CCSER1: variants seen among roughly 807,000 people sequenced by gnomAD.
CCSER1 encodes serine-rich coiled-coil domain-containing protein 1.
A neutral mutation model predicts 82.0 loss-of-function variants in CCSER1; 41 were observed. The ratio of observed to expected loss-of-function variants is 0.50; its 90% CI spans 0.39 to 0.65. The LOEUF (loss-of-function observed/expected upper bound fraction) is 0.65, where lower values mean the gene tolerates loss of function less well. Ranked by LOEUF, CCSER1 falls within the 30% of genes least tolerant of loss-of-function variation. CCSER1 has a pLI of 0.00. For missense variants in CCSER1, 1,119 were observed against 1,064.2 expected, an observed-to-expected ratio of 1.05 and a Z score of -0.72; for synonymous variants, 414 against 383.9, an observed-to-expected ratio of 1.08 and a Z score of -0.92.
chr4:91,059,455 T>TTATATATA (rs56706370), intron 9 of CCSER1, among the ~76,000 whole-genome samples: 12,199 of 145,564 alleles, frequency 0.084, 655 homozygotes, highest in Non-Finnish European at 0.11. Flanking sequence ...TTTATTAAGG[T>TTATATATA]TATATATATA....
intron 7 of CCSER1, among the ~76,000 whole-genome samples, chr4:90,767,193 T>C (rs1301545823): frequency 6.6e-6 from 1 of 152,216 alleles, no homozygotes; most frequent in African/African-American, 2.4e-5. Context: ...AACAGATTCA[T>C]TGTCCTGCTT....
chr4:91,178,298 G>A (rs867185205), intron 10 of CCSER1, among the ~76,000 whole-genome samples: 24 of 152,284 alleles, frequency 1.6e-4, no homozygotes, highest in Middle Eastern at 3.4e-3. Context: ...TTGATTTGGG[G>A]TGGAGAGTTC....
intron 6 of CCSER1, among the ~76,000 whole-genome samples, chr4:90,666,175 A>C (rs554312117): frequency 2.6e-5 from 4 of 152,144 alleles, no homozygotes; most frequent in Non-Finnish European, 5.9e-5. Flanking sequence ...TGCAAAAAAA[A>C]CTTTGCTCTT....
intron 10 of CCSER1, among the ~76,000 whole-genome samples, chr4:91,572,885 C>G (rs1289494464): frequency 6.6e-6 from 1 of 152,004 alleles, no homozygotes; most frequent in East Asian, 1.9e-4. Flanking sequence ...TCCCTCCACC[C>G]CTAGTCAGCT....
rs541391294 is a variant in CCSER1 at position 91,525,959 on chromosome 4, A to T, written c.2218-72613A>T. Among the ~76,000 whole-genome samples the T allele has an allele frequency of 1.1e-4, 17 of 152,312 alleles. 1 individual carries two copies. In the South Asian group the frequency reaches 3.5e-3, roughly 32 times the overall value. On this transcript the variant is annotated intron_variant, in intron 10 of 10. Transcript: ENST00000509176. ...CATTATACTTCTCTGGCCATCACATAACAAATAAATAAATCAAAATATTTT... is the reference window on the plus strand; with the variant it reads ...CATTATACTTCTCTGGCCATCACATTACAAATAAATAAATCAAAATATTTT...
chr4:91,554,817 T>A (rs1762329094), intron 10 of CCSER1, among the ~76,000 whole-genome samples: 1 of 151,230 alleles, frequency 6.6e-6, no homozygotes, highest in South Asian at 2.1e-4. Flanking sequence ...TCAAAAAAGA[T>A]GGCAGTGCCA....
At chr4:90,885,811 A>G (rs1722040966) in intron 8 of CCSER1, among the ~76,000 whole-genome samples, 1 of 152,226 alleles carries the variant, frequency 6.6e-6, no homozygotes, top group Non-Finnish European at 1.5e-5. Context: ...CTGCCAAATT[A>G]GGAAGAATTC....
chr4:91,354,859 C>G (rs116519638), intron 10 of CCSER1, among the ~76,000 whole-genome samples: 303 of 152,300 alleles, frequency 2.0e-3, no homozygotes, highest in African/African-American at 7.1e-3. Context: ...CTGGTTTTTC[C>G]TAGAGTCTCT....
At chr4:90,764,067 T>A (rs1750814055) in intron 7 of CCSER1, among the ~76,000 whole-genome samples, 1 of 152,176 alleles carries the variant, frequency 6.6e-6, no homozygotes, top group Admixed American at 6.6e-5. Flanking sequence ...AACAGTTCAC[T>A]AAGTTATATT....
chr4:90,748,771 A>C (rs1748006491), intron 7 of CCSER1, among the ~76,000 whole-genome samples: 2 of 149,918 alleles, frequency 1.3e-5, no homozygotes, highest in African/African-American at 4.9e-5. Context: ...TTTGATGTGC[A>C]TTTCTCTGAT....
chr4:90,900,373 G>A (rs1000029021), intron 8 of CCSER1, among the ~76,000 whole-genome samples: 6 of 151,812 alleles, frequency 4.0e-5, no homozygotes, highest in Admixed American at 1.3e-4. Context: ...AATGTAGCTA[G>A]TGGTCTATCA....
chr4:90,482,455 T>A (rs1312405946), intron 5 of CCSER1, among the ~76,000 whole-genome samples: 4 of 152,228 alleles, frequency 2.6e-5, no homozygotes, highest in Non-Finnish European at 4.4e-5. Context: ...TTGTTTTAAT[T>A]GTGATGTTAG....
chr4:90,861,616 T>C (rs1765094922), intron 8 of CCSER1, among the ~76,000 whole-genome samples: 1 of 151,668 alleles, frequency 6.6e-6, no homozygotes, highest in Admixed American at 6.6e-5. Context: ...GTAAAAAAGG[T>C]ACAAAAAGTT....
At chr4:90,620,967 A>G (rs1213214929) in intron 5 of CCSER1, among the ~76,000 whole-genome samples, 1 of 152,026 alleles carries the variant, frequency 6.6e-6, no homozygotes, top group Admixed American at 6.6e-5. Context: ...TCGTGCATCA[A>G]CACTGCTGGC....
intron 6 of CCSER1, among the ~76,000 whole-genome samples, chr4:90,668,444 C>T (rs17182666): frequency 0.46 from 69,753 of 151,938 alleles, 16,406 homozygotes; most frequent in Middle Eastern, 0.59. Flanking sequence ...GTTCAAATTA[C>T]GCGATTGATA....
chr4:90,733,325 A>T (rs1401895859), intron 7 of CCSER1, among the ~76,000 whole-genome samples: 1 of 152,148 alleles, frequency 6.6e-6, no homozygotes, highest in Non-Finnish European at 1.5e-5. Context: ...TCCCATTTGT[A>T]TATATTCTTT....
chr4:90,643,761 G>C (rs1003777162), intron 6 of CCSER1, among the ~76,000 whole-genome samples: 1 of 152,054 alleles, frequency 6.6e-6, no homozygotes, highest in Non-Finnish European at 1.5e-5. Flanking sequence ...ATTTAATTCA[G>C]TTTTGTTTAA....
chr4:90,230,530 A>G (rs2153427309), intron 1 of CCSER1, among the ~76,000 whole-genome samples: 1 of 152,234 alleles, frequency 6.6e-6, no homozygotes, highest in East Asian at 1.9e-4. Flanking sequence ...GAAAGATCCA[A>G]AATTGACACC....
Position 91,530,060 on chromosome 4 carries a change from T to C in CCSER1, c.2218-68512T>C, listed in dbSNP as rs575434499. 9.9e-5 allele frequency among the ~76,000 whole-genome samples: 15 copies of C among 152,234 alleles called. 1 individual carries two copies. The highest frequency in any genetic ancestry group is 1.6e-4 in the Non-Finnish European group (11 of 67,976). On this transcript the variant is annotated intron_variant, in intron 10 of 10. Transcript: ENST00000509176. ...GAAGAAGCAAATGCTTTTTAACAAATATTATTGAGGTACCATACTTGAATA... is the reference window on the plus strand; with the variant it reads ...GAAGAAGCAAATGCTTTTTAACAAACATTATTGAGGTACCATACTTGAATA...
Sources: allele counts gnomAD v4.1 joint callset (sites outside exome capture counted in the v4.1 genomes callset), GRCh38; gene constraint gnomAD v4.1.1; transcripts MANE v1.5; gene names NCBI Gene and HGNC (gene_info 2026-07-23, HGNC 2026-07-21).